LDB2: variants seen among roughly 807,000 people sequenced by gnomAD.
LDB2 encodes the protein LIM domain binding 2.
A neutral mutation model predicts 44.3 loss-of-function variants in LDB2; 12 were observed. The ratio of observed to expected loss-of-function variants is 0.27; its 90% CI spans 0.17 to 0.44. The LOEUF is 0.44. Among genes scored for constraint, LDB2 ranks in the 20% least tolerant of loss-of-function variants. The pLI is 1.00. For synonymous variants in LDB2, 164 were observed against 174.8 expected, an observed-to-expected ratio of 0.94 and a Z score of 0.49; for missense variants, 344 against 473.5, an observed-to-expected ratio of 0.73 and a Z score of 2.54.
At position 16,595,936 on chromosome 4, in the gene LDB2, C is replaced by T. The variant is rs140330409; in HGVS notation, c.236-61G>A. 16 of 1,509,108 alleles carry T rather than the reference C, an allele frequency of 1.1e-5. No homozygotes were observed. The East Asian group carries it at 3.0e-4, about 28-fold the overall frequency. 93.5% of individuals were successfully genotyped at this position (1,509,108 alleles called of 1,614,324 possible). A position where few individuals can be genotyped will look rare whatever the true frequency, so the allele number is the denominator to read the frequency against. On this transcript the variant is annotated intron_variant, in intron 2 of 7. Transcript: ENST00000304523. ...AAAATATCCCACCAGCCCCACACAC[C>T]CAACACCATTGCCAAACCTCCTAAA...
intron 2 of LDB2, among the ~76,000 whole-genome samples, chr4:16,606,874 A>G (rs13118746): frequency 0.37 from 56,635 of 152,158 alleles, 11,010 homozygotes; most frequent in East Asian, 0.64. Context: ...TTGTGTTTTA[A>G]TATCAACACG....
In LDB2 at chr4:16,502,609, G is replaced by T; in HGVS notation, c.*34C>A. ...TTTGCAATTGTAATGATCACCCACG[G>T]GCCTATTGACAGTGGATTCTGGTGC... On this transcript the variant is annotated 3_prime_UTR_variant, in exon 8 of 8. Coordinates refer to ENST00000304523, the MANE Select transcript of LDB2 (RefSeq NM_001290.5). The T allele has an allele frequency of 6.2e-7, 1 of 1,609,682 alleles. No individual in the cohort carries two copies. Among genetic ancestry groups the T allele is most frequent in the Non-Finnish European group, 8.5e-7 (1 of 1,176,218 alleles).
intron 1 of LDB2, among the ~76,000 whole-genome samples, chr4:16,813,410 T>C (rs536425393): frequency 6.6e-6 from 1 of 152,260 alleles, no homozygotes; most frequent in Admixed American, 6.5e-5. Flanking sequence ...TAGTGAATAC[T>C]CAGTAAATAC....
At position 16,552,947 on chromosome 4, in the gene LDB2, A is replaced by G. The variant is rs1470000361; in HGVS notation, c.615+32975T>C. On this transcript the variant is annotated intron_variant, in intron 5 of 7. Transcript: ENST00000304523. ...TGCAGCCAGAAGGTGGAAGTCAGTG[A>G]CTCCACCACAGGGCAGGCCTGAAGT... Among the ~76,000 whole-genome samples, 5 of 152,244 alleles carry G rather than the reference A, an allele frequency of 3.3e-5. No homozygotes were observed. The East Asian group carries it at 7.7e-4, about 24-fold the overall frequency.
intron 2 of LDB2, among the ~76,000 whole-genome samples, chr4:16,658,666 C>T (rs1221625963): frequency 3.3e-5 from 5 of 152,164 alleles, no homozygotes; most frequent in Admixed American, 6.5e-5. Context: ...ATGCAGGCCA[C>T]ATTTGGCCCA....
At chr4:16,703,206 G>A (rs1269886155) in intron 2 of LDB2, among the ~76,000 whole-genome samples, 1 of 152,220 alleles carries the variant, frequency 6.6e-6, no homozygotes, top group African/African-American at 2.4e-5. Flanking sequence ...CTGGTAAAAA[G>A]TAAGGGGAGG....
At chr4:16,780,339 T>C (rs774853297) in intron 1 of LDB2, among the ~76,000 whole-genome samples, 1 of 152,108 alleles carries the variant, frequency 6.6e-6, no homozygotes, top group Non-Finnish European at 1.5e-5. Flanking sequence ...TCTCTGGCCT[T>C]AGCCTCCCCA....
chr4:16,550,283 C>G (rs1055296724), intron 5 of LDB2, among the ~76,000 whole-genome samples: 2 of 152,214 alleles, frequency 1.3e-5, no homozygotes, highest in African/African-American at 4.8e-5. Flanking sequence ...CAGTTTCCTT[C>G]CCTATACCCA....
intron 2 of LDB2, among the ~76,000 whole-genome samples, chr4:16,685,368 T>A (rs1292369733): frequency 6.6e-6 from 1 of 152,230 alleles, no homozygotes; most frequent in African/African-American, 2.4e-5. Flanking sequence ...TTTACATCTC[T>A]CAAGTTTTTT....
intron 3 of LDB2, 45 bp downstream of exon 3, chr4:16,595,658 C>T: frequency 6.3e-7 from 1 of 1,580,306 alleles, no homozygotes; most frequent in African/African-American, 1.3e-5. Flanking sequence ...CTTTAATGCT[C>T]TCAGAGTAGG....
intron 1 of LDB2, among the ~76,000 whole-genome samples, chr4:16,766,821 C>A (rs1457564811): frequency 1.3e-5 from 2 of 152,006 alleles, no homozygotes; most frequent in African/African-American, 4.8e-5. Context: ...ATATTGGGGT[C>A]TCTCTTTCCT....
intron 2 of LDB2, among the ~76,000 whole-genome samples, chr4:16,663,320 A>C (rs1366610090): frequency 2.6e-5 from 4 of 152,190 alleles, no homozygotes; most frequent in Non-Finnish European, 4.4e-5. Flanking sequence ...GCACTTACCA[A>C]TTTCTGTGGT....
chr4:16,796,284 T>C (rs933332874), intron 1 of LDB2, among the ~76,000 whole-genome samples: 8 of 151,310 alleles, frequency 5.3e-5, no homozygotes, highest in African/African-American at 1.9e-4. Flanking sequence ...GCACTCTGTC[T>C]CAAACAAAAC....
chr4:16,555,386 A>C (rs1209099616), intron 5 of LDB2, among the ~76,000 whole-genome samples: 1 of 152,146 alleles, frequency 6.6e-6, no homozygotes, highest in Admixed American at 6.5e-5. Context: ...CCTCAACCTG[A>C]ATTTTCTAAA....
chr4:16,630,345 T>G (rs1475736127), intron 2 of LDB2, among the ~76,000 whole-genome samples: 4 of 152,160 alleles, frequency 2.6e-5, no homozygotes, highest in Non-Finnish European at 5.9e-5. Context: ...CTAAGCTTCA[T>G]AAGTGAAAGA....
At chr4:16,563,386 T>C (rs1029461741) in intron 5 of LDB2, among the ~76,000 whole-genome samples, 4 of 143,278 alleles carry the variant, frequency 2.8e-5, no homozygotes, top group Admixed American at 1.4e-4. Context: ...TTACAAACCA[T>C]AGTATTATCA....
At chr4:16,711,568 CA>C (rs1269671869) in intron 2 of LDB2, among the ~76,000 whole-genome samples, 1 of 152,200 alleles carries the variant, frequency 6.6e-6, no homozygotes, top group Non-Finnish European at 1.5e-5. Flanking sequence ...TGGGTTTTAA[CA>C]AGGTCTCCCT....
chr4:16,841,244 CA>C (rs150199048), intron 1 of LDB2, among the ~76,000 whole-genome samples: 20,579 of 152,028 alleles, frequency 0.14, 1,764 homozygotes, highest in Non-Finnish European at 0.19. Flanking sequence ...CCTGAATTTC[CA>C]GGAAAAGCAT....
At chr4:16,671,887 G>A (rs1018946666) in intron 2 of LDB2, among the ~76,000 whole-genome samples, 3 of 151,964 alleles carry the variant, frequency 2.0e-5, no homozygotes, top group Non-Finnish European at 4.4e-5. Flanking sequence ...CAGAATGAAA[G>A]TGGGCTGCAG....
Sources: allele counts gnomAD v4.1 joint callset (sites outside exome capture counted in the v4.1 genomes callset), GRCh38; gene constraint gnomAD v4.1.1; transcripts MANE v1.5; gene names NCBI Gene and HGNC (gene_info 2026-07-23, HGNC 2026-07-21).